Variants in FSTL5 observed in about 807,000 individuals in gnomAD.
FSTL5 encodes follistatin-related protein 5.
FSTL5 carries 62 observed loss-of-function variants against 89.1 expected under a neutral mutation model. The observed-to-expected ratio is 0.70, with a 90% CI of 0.57 to 0.86. FSTL5 has a LOEUF of 0.86. Among genes scored for constraint, FSTL5 ranks in the 40% least tolerant of loss-of-function variants. The pLI, the probability that FSTL5 is intolerant of heterozygous loss-of-function variation, is 0.00. For missense variants in FSTL5, 1,057 were observed against 1,001.6 expected (o/e 1.06, Z -0.75); for synonymous variants, 383 against 346.2 (o/e 1.11, Z -1.18).
chr4:161,978,426 CTGAT>C (rs1475630294), intron 3 of FSTL5, among the ~76,000 whole-genome samples: 1 of 152,020 alleles, frequency 6.6e-6, no homozygotes, highest in Non-Finnish European at 1.5e-5. Context: ...TTACATTAAA[CTGAT>C]TAATATGCTT....
At chr4:161,909,671 T>C (rs1733636957) in intron 4 of FSTL5, among the ~76,000 whole-genome samples, 1 of 152,126 alleles carries the variant, frequency 6.6e-6, no homozygotes, top group Non-Finnish European at 1.5e-5. Flanking sequence ...CCATGAAATA[T>C]ACTCAGCTAC....
At chr4:161,616,769 T>C (rs548276446) in intron 7 of FSTL5, among the ~76,000 whole-genome samples, 22 of 151,594 alleles carry the variant, frequency 1.5e-4, no homozygotes, top group Non-Finnish European at 2.4e-4. Context: ...AATACATCGG[T>C]GACGAGTGGA....
chr4:161,962,185 T>C (rs912544945), intron 3 of FSTL5, among the ~76,000 whole-genome samples: 16 of 152,022 alleles, frequency 1.1e-4, no homozygotes, highest in Non-Finnish European at 2.1e-4. Context: ...TAATAATTAT[T>C]CCTAGTATTA....
chr4:162,151,540 A>T (rs568053584), intron 1 of FSTL5, among the ~76,000 whole-genome samples: 1 of 152,314 alleles, frequency 6.6e-6, no homozygotes, highest in East Asian at 1.9e-4. Flanking sequence ...TGACTATCAC[A>T]GATTAATTTA....
chr4:161,564,229 G>A (rs1211644190), intron 8 of FSTL5, among the ~76,000 whole-genome samples: 1 of 150,970 alleles, frequency 6.6e-6, no homozygotes, highest in Non-Finnish European at 1.5e-5. Context: ...ATATGCATGT[G>A]TACATATATA....
intron 4 of FSTL5, among the ~76,000 whole-genome samples, chr4:161,788,393 T>C (rs1336219904): frequency 6.6e-6 from 1 of 152,104 alleles, no homozygotes; most frequent in African/African-American, 2.4e-5. Context: ...TAACCAATCT[T>C]CCCATCTCCC....
At chr4:161,987,047 C>T (rs938787553) in intron 3 of FSTL5, among the ~76,000 whole-genome samples, 2 of 152,062 alleles carry the variant, frequency 1.3e-5, no homozygotes, top group African/African-American at 4.8e-5. Context: ...CCATACTTTC[C>T]CCTAAATCTA....
Position 161,503,244 on chromosome 4 carries a change from T to C in FSTL5, c.1340-3110A>G, listed in dbSNP as rs1008240257. Among the ~76,000 whole-genome samples the C allele has an allele frequency of 5.9e-5, 9 of 151,552 alleles. No individual in the cohort carries two copies. In the East Asian group the frequency reaches 7.7e-4, roughly 13 times the overall value. On this transcript the variant is annotated intron_variant, in intron 11 of 15. Transcript: ENST00000306100. The stretch of plus-strand genomic sequence containing the variant: ...ACACAGCAAGATTTCAAAGAAATGG[T>C]AACCTATTTATTTATGTTTTGCAGG...
chr4:162,131,714 C>T (rs1008701621), intron 1 of FSTL5, among the ~76,000 whole-genome samples: 3 of 152,190 alleles, frequency 2.0e-5, no homozygotes, highest in African/African-American at 7.2e-5. Context: ...TCAGAAACTT[C>T]AGCCACAAAG....
intron 6 of FSTL5, among the ~76,000 whole-genome samples, chr4:161,693,865 C>G (rs1293575064): frequency 6.6e-6 from 1 of 151,926 alleles, no homozygotes; most frequent in African/African-American, 2.4e-5. Flanking sequence ...GTCTCGATCT[C>G]CTGACCTCTT....
chr4:162,127,213 AC>A (rs1408071620), intron 1 of FSTL5, among the ~76,000 whole-genome samples: 1 of 152,042 alleles, frequency 6.6e-6, no homozygotes, highest in Admixed American at 6.6e-5. Context: ...TTCCTCGGAA[AC>A]CCTTGACTTT....
chr4:161,387,783 T>G (rs1374657049), intron 15 of FSTL5: 1 of 152,096 alleles, frequency 6.6e-6, no homozygotes, highest in Non-Finnish European at 1.5e-5. Flanking sequence ...GTTTCCATTC[T>G]TCTTACATTA....
intron 15 of FSTL5, among the ~76,000 whole-genome samples, chr4:161,403,047 T>C (rs530498695): frequency 2.0e-5 from 3 of 152,218 alleles, no homozygotes; most frequent in Non-Finnish European, 4.4e-5. Context: ...GCGAGGATGG[T>C]CTTGATCTTC....
intron 6 of FSTL5, among the ~76,000 whole-genome samples, chr4:161,674,147 C>T (rs1408653106): frequency 6.6e-6 from 1 of 151,816 alleles, no homozygotes; most frequent in African/African-American, 2.4e-5. Flanking sequence ...TACTTAAAAA[C>T]GTATTTTAGT....
intron 7 of FSTL5, among the ~76,000 whole-genome samples, chr4:161,611,995 T>C (rs184192697): frequency 6.6e-6 from 1 of 152,270 alleles, no homozygotes; most frequent in Non-Finnish European, 1.5e-5. Context: ...CAAAATCCAG[T>C]GGTTGTTACT....
rs182601633 is a variant in FSTL5 at position 161,634,220 on chromosome 4, G to T, written c.894+22108C>A. On this transcript the variant is annotated intron_variant, in intron 7 of 15. Transcript: ENST00000306100. The stretch of plus-strand genomic sequence containing the variant: ...TGTTTTCTTAGTAAAATTTGCAGGT[G>T]AACAGGAGAGATAATAATACAAAAC... Among the ~76,000 whole-genome samples, 99 of 152,282 alleles carry T rather than the reference G, an allele frequency of 6.5e-4. 1 individual carries two copies. Among genetic ancestry groups the T allele is most frequent in the Non-Finnish European group, 1.2e-3 (79 of 68,022 alleles).
At chr4:161,567,112 G>A (rs1462182291) in intron 8 of FSTL5, among the ~76,000 whole-genome samples, 1 of 151,954 alleles carries the variant, frequency 6.6e-6, no homozygotes, top group East Asian at 1.9e-4. Context: ...ACCATCTGAA[G>A]CTATTGTTTT....
intron 8 of FSTL5, among the ~76,000 whole-genome samples, chr4:161,573,476 C>T (rs1441875717): frequency 4.7e-5 from 7 of 149,822 alleles, no homozygotes; most frequent in South Asian, 2.1e-4. Context: ...CGGTGGCTCA[C>T]GCCTGTAATC....
intron 7 of FSTL5, among the ~76,000 whole-genome samples, chr4:161,643,449 T>C (rs938187345): frequency 8.6e-5 from 13 of 151,284 alleles, no homozygotes; most frequent in Non-Finnish European, 1.3e-4. Flanking sequence ...TTATTTTATA[T>C]TGCAGTATTA....
Sources: allele counts gnomAD v4.1 joint callset (sites outside exome capture counted in the v4.1 genomes callset), GRCh38; gene constraint gnomAD v4.1.1; transcripts MANE v1.5; gene names NCBI Gene and HGNC (gene_info 2026-07-23, HGNC 2026-07-21).